The following MACROD2 variants were observed in gnomAD, a reference collection of about 807,000 sequenced individuals.
MACROD2 encodes the protein ADP-ribose glycohydrolase MACROD2.
In MACROD2, 36 loss-of-function variants were observed where a neutral mutation model predicts 70.4. The observed-to-expected ratio is 0.51, with a 90% CI of 0.39 to 0.68. The LOEUF (loss-of-function observed/expected upper bound fraction) is 0.68, where lower values mean the gene tolerates loss of function less well. Ranked by LOEUF, MACROD2 falls within the 30% of genes least tolerant of loss-of-function variation. The pLI is 0.00. For synonymous variants in MACROD2, 172 were observed against 178.8 expected, an observed-to-expected ratio of 0.96 and a Z score of 0.30; for missense variants, 496 against 538.4, an observed-to-expected ratio of 0.92 and a Z score of 0.78.
At chr20:14,815,629 G>A (rs575233139) in intron 5 of MACROD2, among the ~76,000 whole-genome samples, 5 of 151,854 alleles carry the variant, frequency 3.3e-5, no homozygotes, top group African/African-American at 1.2e-4. Context: ...TAAATACTAG[G>A]CTAATTATTC....
At chr20:15,661,030 C>A (rs1010623243) in intron 8 of MACROD2, among the ~76,000 whole-genome samples, 1 of 152,158 alleles carries the variant, frequency 6.6e-6, no homozygotes, top group Non-Finnish European at 1.5e-5. Flanking sequence ...TAGAATGACA[C>A]CAGATTCCAA....
intron 6 of MACROD2, among the ~76,000 whole-genome samples, chr20:15,429,490 T>G (rs936261028): frequency 6.6e-6 from 1 of 152,110 alleles, no homozygotes. Context: ...CAAAGTCAAT[T>G]TGTACTCTCT....
chr20:14,413,935 A>T (rs1278370243), intron 3 of MACROD2, among the ~76,000 whole-genome samples: 2 of 152,014 alleles, frequency 1.3e-5, no homozygotes, highest in Non-Finnish European at 2.9e-5. Context: ...GGTACTTGGT[A>T]CAAATTGATT....
intron 3 of MACROD2, among the ~76,000 whole-genome samples, chr20:14,264,858 G>A (rs1055811721): frequency 1.3e-5 from 2 of 152,198 alleles, no homozygotes; most frequent in African/African-American, 2.4e-5. Context: ...GGAAGAAAAT[G>A]GCAGCTTGGG....
rs117411140 is a variant in MACROD2, at chr20:14,193,404, G to A, written c.271+107676G>A. Among the ~76,000 whole-genome samples, 432 of 152,302 alleles carry A rather than the reference G, an allele frequency of 2.8e-3. 1 individual carries two copies. Among genetic ancestry groups the A allele is most frequent in the Non-Finnish European group, 4.0e-3 (272 of 68,026 alleles). On this transcript the variant is annotated intron_variant, in intron 3 of 17. Transcript: ENST00000684519. ...CAGCAAAACAGTAGATGTCCACTAT[G>A]GGTATTATATTATCAGGGCCCCAGA...
At chr20:15,263,818 A>C (rs112368622) in intron 6 of MACROD2, among the ~76,000 whole-genome samples, 1 of 151,802 alleles carries the variant, frequency 6.6e-6, no homozygotes, top group Non-Finnish European at 1.5e-5. Context: ...TACTTTCTTG[A>C]TTTCTTTTTT....
At chr20:15,509,991 T>G (rs1189250883) in intron 8 of MACROD2, among the ~76,000 whole-genome samples, 1 of 152,254 alleles carries the variant, frequency 6.6e-6, no homozygotes, top group African/African-American at 2.4e-5. Flanking sequence ...TTGCATGTGC[T>G]GTCTGTATGC....
chr20:15,768,365 G>A (rs929123260), intron 8 of MACROD2, among the ~76,000 whole-genome samples: 1 of 152,126 alleles, frequency 6.6e-6, no homozygotes, highest in Non-Finnish European at 1.5e-5. Context: ...GGCAACTGTA[G>A]TGCAATGATA....
At chr20:14,484,538 T>C (rs187022695) in intron 3 of MACROD2, among the ~76,000 whole-genome samples, 1 of 152,332 alleles carries the variant, frequency 6.6e-6, no homozygotes, top group East Asian at 1.9e-4. Flanking sequence ...TCTTACTCAT[T>C]CTTTCTATTG....
chr20:15,443,788 G>A (rs940884215), intron 7 of MACROD2, among the ~76,000 whole-genome samples: 2 of 152,032 alleles, frequency 1.3e-5, no homozygotes, highest in African/African-American at 4.8e-5. Context: ...AATGTAAGGA[G>A]GCTACTGGCC....
chr20:15,725,859 C>T (rs992197948), intron 8 of MACROD2, among the ~76,000 whole-genome samples: 1 of 151,330 alleles, frequency 6.6e-6, no homozygotes, highest in Non-Finnish European at 1.5e-5. Flanking sequence ...TTTATATTAA[C>T]TTTTATTTTA....
At chr20:15,062,455 AC>A (rs1305458080) in intron 5 of MACROD2, among the ~76,000 whole-genome samples, 1 of 151,978 alleles carries the variant, frequency 6.6e-6, no homozygotes, top group African/African-American at 2.4e-5. Flanking sequence ...CTGCTTCCAA[AC>A]CGCCTCCATT....
intron 8 of MACROD2, among the ~76,000 whole-genome samples, chr20:15,714,072 T>C (rs2050672335): frequency 6.7e-6 from 1 of 150,330 alleles, no homozygotes; most frequent in Non-Finnish European, 1.5e-5. Flanking sequence ...TTTATAACCA[T>C]GCCCCACCAG....
intron 17 of MACROD2, among the ~76,000 whole-genome samples, chr20:16,048,100 C>T (rs2147626691): frequency 6.6e-6 from 1 of 152,240 alleles, no homozygotes; most frequent in Middle Eastern, 3.4e-3. Context: ...AGTGTGATTC[C>T]TGGTGTATGT....
intron 6 of MACROD2, among the ~76,000 whole-genome samples, chr20:15,324,944 G>A (rs1007981449): frequency 3.3e-5 from 5 of 150,374 alleles, no homozygotes; most frequent in African/African-American, 1.2e-4. Flanking sequence ...TGTTTTTAAA[G>A]AATTCCTTCT....
intron 2 of MACROD2, among the ~76,000 whole-genome samples, chr20:14,008,036 G>T (rs2052846674): frequency 6.6e-6 from 1 of 152,092 alleles, no homozygotes; most frequent in Admixed American, 6.5e-5. Context: ...GCAAAAGCTG[G>T]AAGCATTCCC....
intron 5 of MACROD2, among the ~76,000 whole-genome samples, chr20:14,711,022 T>C (rs1317327161): frequency 6.6e-6 from 1 of 152,216 alleles, no homozygotes; most frequent in Non-Finnish European, 1.5e-5. Flanking sequence ...ATCAGGTGTA[T>C]TGGAGTTAAA....
chr20:14,250,807 T>C (rs1487759458), intron 3 of MACROD2, among the ~76,000 whole-genome samples: 1 of 152,132 alleles, frequency 6.6e-6, no homozygotes, highest in East Asian at 1.9e-4. Context: ...CAAAGAATTA[T>C]TTGAATCTGA....
At chr20:15,335,788 C>T (rs890356680) in intron 6 of MACROD2, among the ~76,000 whole-genome samples, 2 of 151,518 alleles carry the variant, frequency 1.3e-5, no homozygotes, top group African/African-American at 4.9e-5. Flanking sequence ...TTTAGCAGGT[C>T]GAAATGAGGT....
Sources: allele counts gnomAD v4.1 joint callset (sites outside exome capture counted in the v4.1 genomes callset), GRCh38; gene constraint gnomAD v4.1.1; transcripts MANE v1.5; gene names NCBI Gene and HGNC (gene_info 2026-07-23, HGNC 2026-07-21).